TMEM132D: variants seen among roughly 807,000 people sequenced by gnomAD.
TMEM132D encodes the protein transmembrane protein 132D, also known as mature OL transmembrane protein.
A neutral mutation model predicts 62.3 loss-of-function variants in TMEM132D; 21 were observed. That is an observed-to-expected ratio of 0.34 (90% CI 0.24 to 0.49). TMEM132D has a LOEUF of 0.49. TMEM132D is among the 20% of genes least tolerant of loss of function. TMEM132D has a pLI of 0.99. For synonymous variants in TMEM132D, 621 were observed against 575.6 expected (o/e 1.08, Z -1.13); for missense variants, 1,346 against 1,402.8 (o/e 0.96, Z 0.65).
Position 129,676,952 on chromosome 12 carries a change from CT to C in TMEM132D, c.968+22857del, listed in dbSNP as rs67065311. On this transcript the variant is annotated intron_variant, in intron 2 of 8. Transcript: ENST00000422113. ...ATCCTATCCCGCCTTTTGCACTTCA[CT>C]TTTTTCCACCTAATGTTTTAGAAAA... is the stretch of plus-strand genomic sequence containing the variant. 3.1e-3 allele frequency among the ~76,000 whole-genome samples: 468 copies of C among 152,296 alleles called. 1 individual carries two copies. Among genetic ancestry groups the C allele is most frequent in the African/African-American group, 0.01 (429 of 41,574 alleles).
At chr12:129,445,280 G>T (rs1481027364) in intron 3 of TMEM132D, among the ~76,000 whole-genome samples, 1 of 152,100 alleles carries the variant, frequency 6.6e-6, no homozygotes, top group Non-Finnish European at 1.5e-5. Flanking sequence ...TGGACACAAA[G>T]AGGGGAACAA....
intron 3 of TMEM132D, among the ~76,000 whole-genome samples, chr12:129,389,165 C>T (rs1871228573): frequency 1.3e-5 from 2 of 151,958 alleles, no homozygotes; most frequent in Admixed American, 1.3e-4. Context: ...CTAACACCAA[C>T]ACTAACACTA....
intron 5 of TMEM132D, among the ~76,000 whole-genome samples, chr12:129,190,144 G>A (rs9795758): frequency 0.6 from 42,874 of 71,664 alleles, 14,366 homozygotes; most frequent in East Asian, 0.79. Flanking sequence ...GGAGGGAGGG[G>A]GTCTCAGGCC....
At chr12:129,117,611 C>A (rs1481866760) in intron 5 of TMEM132D, among the ~76,000 whole-genome samples, 1 of 152,190 alleles carries the variant, frequency 6.6e-6, no homozygotes, top group South Asian at 2.1e-4. Flanking sequence ...GGGACCCAGC[C>A]TTTCTCCTGG....
intron 3 of TMEM132D, among the ~76,000 whole-genome samples, chr12:129,404,592 G>A (rs187418562): frequency 6.6e-6 from 1 of 152,336 alleles, no homozygotes; most frequent in East Asian, 1.9e-4. Flanking sequence ...CTCCTGTGGA[G>A]GACTCGGGAA....
At chr12:129,889,799 G>A (rs1874862968) in intron 1 of TMEM132D, among the ~76,000 whole-genome samples, 1 of 152,058 alleles carries the variant, frequency 6.6e-6, no homozygotes, top group Admixed American at 6.6e-5. Context: ...TCCTCTTGAG[G>A]GCCTCCTGTT....
chr12:129,686,618 C>A (rs1202645784), intron 2 of TMEM132D, among the ~76,000 whole-genome samples: 25 of 152,162 alleles, frequency 1.6e-4, no homozygotes, highest in Non-Finnish European at 1.5e-5. Flanking sequence ...ATAAAAACAG[C>A]TGGACTGAAT....
intron 1 of TMEM132D, among the ~76,000 whole-genome samples, chr12:129,844,352 C>G (rs1457819643): frequency 6.6e-6 from 1 of 152,164 alleles, no homozygotes; most frequent in Non-Finnish European, 1.5e-5. Context: ...CTGCAAGTCA[C>G]TCTGCCAGGT....
chr12:129,733,752 G>C (rs987797215), intron 1 of TMEM132D, among the ~76,000 whole-genome samples: 3 of 152,184 alleles, frequency 2.0e-5, no homozygotes, highest in African/African-American at 7.2e-5. Context: ...GATAATTCCA[G>C]TGAGACAGGA....
chr12:129,509,543 G>A (rs944291986), intron 3 of TMEM132D, among the ~76,000 whole-genome samples: 1 of 152,062 alleles, frequency 6.6e-6, no homozygotes, highest in Non-Finnish European at 1.5e-5. Flanking sequence ...TAATCACCCT[G>A]TTGTGCTATC....
chr12:129,449,577 G>C (rs1401887866), intron 3 of TMEM132D, among the ~76,000 whole-genome samples: 4 of 152,168 alleles, frequency 2.6e-5, no homozygotes, highest in Non-Finnish European at 5.9e-5. Flanking sequence ...CTGCACATGA[G>C]TGTTTACTTG....
intron 4 of TMEM132D, among the ~76,000 whole-genome samples, chr12:129,228,683 C>T (rs781207396): frequency 6.6e-6 from 1 of 152,118 alleles, no homozygotes; most frequent in Non-Finnish European, 1.5e-5. Context: ...TGCTGTAGCA[C>T]GGGTCAGTGT....
chr12:129,289,350 C>G (rs112730126), intron 4 of TMEM132D, among the ~76,000 whole-genome samples: 7,428 of 151,892 alleles, frequency 0.049, 216 homozygotes, highest in South Asian at 0.07. Flanking sequence ...TCAAGACCAG[C>G]CTGGCCAACG....
intron 4 of TMEM132D, among the ~76,000 whole-genome samples, chr12:129,317,299 T>A (rs1868520669): frequency 6.6e-6 from 1 of 152,230 alleles, no homozygotes. Flanking sequence ...GTTTCAAGAT[T>A]TAGAGCTCCT....
intron 2 of TMEM132D, among the ~76,000 whole-genome samples, chr12:129,560,614 C>T (rs572202655): frequency 1.8e-4 from 27 of 152,308 alleles, no homozygotes; most frequent in Non-Finnish European, 3.4e-4. Context: ...CAAACTAGTC[C>T]TGGTTCATAC....
intron 1 of TMEM132D, among the ~76,000 whole-genome samples, chr12:129,703,286 A>G (rs972425890): frequency 1.3e-5 from 2 of 152,208 alleles, no homozygotes; most frequent in African/African-American, 2.4e-5. Flanking sequence ...ATCGGGTCCT[A>G]TGATTTTATT....
intron 2 of TMEM132D, among the ~76,000 whole-genome samples, chr12:129,598,931 T>C (rs1186738532): frequency 6.6e-6 from 1 of 152,220 alleles, no homozygotes; most frequent in African/African-American, 2.4e-5. Flanking sequence ...CTCATGGCAC[T>C]GCATTGTAAC....
chr12:129,436,060 C>A (rs924799579), intron 3 of TMEM132D, among the ~76,000 whole-genome samples: 5 of 152,104 alleles, frequency 3.3e-5, no homozygotes, highest in Non-Finnish European at 5.9e-5. Context: ...TCAGTCTTCC[C>A]CTTTCTTCCT....
In TMEM132D at chr12:129,137,124, T is replaced by C. The variant is rs61944811; in HGVS notation, c.1444-52422A>G. 2.2e-4 allele frequency among the ~76,000 whole-genome samples: 30 copies of C among 135,042 alleles called. 1 individual carries two copies. The highest frequency in any genetic ancestry group is 1.2e-3 in the South Asian group (5 of 4,132). 88.6% of individuals were successfully genotyped at this position (135,042 alleles called of 152,430 possible). On this transcript the variant is annotated intron_variant, in intron 5 of 8. Coordinates refer to ENST00000422113, the MANE Select transcript of TMEM132D (RefSeq NM_133448.3). ...ACCATCACCACCACCATCATCACCATCATCATCACCATCACTATCATTGTC... is the reference window on the plus strand; with the variant it reads ...ACCATCACCACCACCATCATCACCACCATCATCACCATCACTATCATTGTC...
Sources: allele counts gnomAD v4.1 joint callset (sites outside exome capture counted in the v4.1 genomes callset), GRCh38; gene constraint gnomAD v4.1.1; transcripts MANE v1.5; gene names NCBI Gene and HGNC (gene_info 2026-07-23, HGNC 2026-07-21).